ARHGAP26: variants seen among roughly 807,000 people sequenced by gnomAD.
ARHGAP26 encodes the protein rho GTPase-activating protein 26.
ARHGAP26 carries 38 observed loss-of-function variants against 104.8 expected under a neutral mutation model. The observed-to-expected ratio is 0.36, with a 90% CI of 0.28 to 0.48. The LOEUF (loss-of-function observed/expected upper bound fraction) is 0.48. Ranked by LOEUF, ARHGAP26 falls within the 20% of genes least tolerant of loss-of-function variation. The pLI, the probability that ARHGAP26 is intolerant of heterozygous loss-of-function variation, is 0.99. For synonymous variants in ARHGAP26, 341 were observed against 340.0 expected (o/e 1.00, Z -0.03); for missense variants, 704 against 947.9 (o/e 0.74, Z 3.38).
chr5:142,864,071 C>T (rs1044899211), intron 1 of ARHGAP26, among the ~76,000 whole-genome samples: 1 of 152,110 alleles, frequency 6.6e-6, no homozygotes, highest in Admixed American at 6.5e-5. Flanking sequence ...CCTAGTCTGA[C>T]CCAGTGAGTG....
intron 11 of ARHGAP26, among the ~76,000 whole-genome samples, chr5:143,005,039 C>T (rs1185540842): frequency 6.6e-6 from 1 of 152,130 alleles, no homozygotes; most frequent in African/African-American, 2.4e-5. Context: ...TTCTCCTTCA[C>T]TCTAGAGTTC....
chr5:142,918,167 G>A (rs1322493714), intron 10 of ARHGAP26, among the ~76,000 whole-genome samples: 1 of 151,426 alleles, frequency 6.6e-6, no homozygotes, highest in Non-Finnish European at 1.5e-5. Context: ...TTATTTTTGA[G>A]ACAGAGTCTT....
chr5:143,204,600 A>C (rs1808277232), intron 20 of ARHGAP26, among the ~76,000 whole-genome samples: 1 of 152,178 alleles, frequency 6.6e-6, no homozygotes, highest in South Asian at 2.1e-4. Flanking sequence ...ATAGTTACGA[A>C]TATCCTGCAT....
chr5:142,797,156 G>A (rs439140), intron 1 of ARHGAP26, among the ~76,000 whole-genome samples: 36,986 of 152,018 alleles, frequency 0.24, 6,957 homozygotes, highest in African/African-American at 0.5. Context: ...TAAATAGCCC[G>A]GATATACCTC....
chr5:143,140,484 T>C (rs1018902834), intron 19 of ARHGAP26, among the ~76,000 whole-genome samples: 15 of 152,206 alleles, frequency 9.9e-5, no homozygotes, highest in Non-Finnish European at 2.1e-4. Flanking sequence ...TGAGCCAGTA[T>C]ATATAAAGTA....
intron 1 of ARHGAP26, among the ~76,000 whole-genome samples, chr5:142,869,179 C>G (rs1002520689): frequency 1.3e-4 from 16 of 126,608 alleles, no homozygotes; most frequent in Non-Finnish European, 1.8e-4. Context: ...TAATCACTTT[C>G]TTTTCTTTTC....
intron 17 of ARHGAP26, among the ~76,000 whole-genome samples, chr5:143,103,729 A>C (rs1410962730): frequency 1.3e-5 from 2 of 152,188 alleles, no homozygotes; most frequent in Non-Finnish European, 2.9e-5. Context: ...CTCACTCGTA[A>C]GTGGGAGTTG....
chr5:143,077,466 G>A (rs1169612909), intron 17 of ARHGAP26, among the ~76,000 whole-genome samples: 1 of 152,142 alleles, frequency 6.6e-6, no homozygotes, highest in African/African-American at 2.4e-5. Context: ...TGGGGCTTTG[G>A]CAGGTCCTGC....
At chr5:142,787,433 C>G (rs1758895679) in intron 1 of ARHGAP26, among the ~76,000 whole-genome samples, 1 of 152,160 alleles carries the variant, frequency 6.6e-6, no homozygotes, top group Non-Finnish European at 1.5e-5. Context: ...GGTCAGGAAA[C>G]TGGGTATGAG....
At chr5:143,173,647 A>AGTAACTC (rs1803095426) in intron 20 of ARHGAP26, among the ~76,000 whole-genome samples, 1 of 152,176 alleles carries the variant, frequency 6.6e-6, no homozygotes, top group Non-Finnish European at 1.5e-5. Context: ...CAGCCTCAGA[A>AGTAACTC]AGGTTAAGTA....
chr5:142,874,413 G>T (rs1755777781), intron 2 of ARHGAP26, among the ~76,000 whole-genome samples: 1 of 152,208 alleles, frequency 6.6e-6, no homozygotes, highest in Admixed American at 6.5e-5. Context: ...AGCATCTGGG[G>T]CTGAGTACAG....
chr5:143,167,591 C>T (rs1802185662), intron 20 of ARHGAP26, among the ~76,000 whole-genome samples: 1 of 147,304 alleles, frequency 6.8e-6, no homozygotes, highest in Non-Finnish European at 1.5e-5. Flanking sequence ...AGTTGTTCAT[C>T]AATGATGTAG....
intron 11 of ARHGAP26, among the ~76,000 whole-genome samples, chr5:142,934,703 A>G (rs1382696682): frequency 1.3e-5 from 2 of 150,404 alleles, no homozygotes; most frequent in South Asian, 2.1e-4. Context: ...TATAGTGGCA[A>G]CTATTTCCTG....
intron 12 of ARHGAP26, among the ~76,000 whole-genome samples, chr5:143,032,419 A>G (rs775970975): frequency 1.3e-4 from 20 of 152,182 alleles, no homozygotes; most frequent in Non-Finnish European, 2.4e-4. Flanking sequence ...TTAATGAGAG[A>G]TTATTGCTGG....
In ARHGAP26 at chr5:143,058,292, A is replaced by G. The variant is rs566351167; in HGVS notation, c.1538+545A>G. ...TTTCTACAAGGATCATTGATTTTTG[A>G]AGTTACATGCATTAAAGCCTTTGAA... On this transcript the variant is annotated intron_variant, in intron 17 of 22. Transcript: ENST00000645722. 11 of 237,606 alleles carry G rather than the reference A, an allele frequency of 4.6e-5. 1 individual carries two copies. The South Asian group carries it at 8.0e-4, about 17-fold the overall frequency. The allele number at this position is 237,606 out of a possible 1,614,324, so 14.7% of individuals were successfully genotyped here.
intron 9 of ARHGAP26, among the ~76,000 whole-genome samples, chr5:142,912,884 ATCT>A (rs1271997692): frequency 5.9e-5 from 9 of 152,190 alleles, no homozygotes; most frequent in African/African-American, 1.4e-4. Context: ...GGAGGAGACC[ATCT>A]TCTTCTACTC....
At chr5:143,025,593 A>G (rs748166598) in intron 12 of ARHGAP26, among the ~76,000 whole-genome samples, 6 of 152,236 alleles carry the variant, frequency 3.9e-5, no homozygotes, top group Non-Finnish European at 7.3e-5. Context: ...TAGGAGACAA[A>G]TGGTCCTGAT....
At position 143,222,718 on chromosome 5, in the gene ARHGAP26, G is replaced by C. The variant is rs1811356792; in HGVS notation, c.*272G>C. On this transcript the variant is annotated 3_prime_UTR_variant, in exon 23 of 23. Transcript: ENST00000645722. ...GACTTGCAAAGCCGTTTTCTCATGA[G>C]TACCCTGAATAGGGGGCACTCATTT... The C allele has an allele frequency of 3.2e-6, 1 of 316,062 alleles. No homozygotes were observed. The highest frequency in any genetic ancestry group is 5.8e-6 in the Non-Finnish European group (1 of 171,742). The allele number at this position is 316,062 out of a possible 1,614,324, so 19.6% of individuals were successfully genotyped here.
chr5:142,898,195 T>C (rs1759759649), intron 6 of ARHGAP26, among the ~76,000 whole-genome samples: 1 of 151,966 alleles, frequency 6.6e-6, no homozygotes, highest in South Asian at 2.1e-4. Context: ...CACACACATA[T>C]ATACACACAC....
Sources: allele counts gnomAD v4.1 joint callset (sites outside exome capture counted in the v4.1 genomes callset), GRCh38; gene constraint gnomAD v4.1.1; transcripts MANE v1.5; gene names NCBI Gene and HGNC (gene_info 2026-07-23, HGNC 2026-07-21).